Variants in LRRC38 observed in about 807,000 individuals in gnomAD.
LRRC38 encodes leucine rich repeat containing 38, also known as leucine-rich repeat-containing protein 38.
LRRC38 carries 5 observed loss-of-function variants against 16.4 expected under a neutral mutation model. The ratio of observed to expected loss-of-function variants is 0.31; its 90% confidence interval spans 0.16 to 0.64. LRRC38 has a LOEUF of 0.64. Among genes scored for constraint, LRRC38 ranks in the 30% least tolerant of loss-of-function variants. The probability of loss-of-function intolerance (pLI) is 0.80; values close to 1 mark genes in which losing one functional copy is unlikely to be tolerated. For synonymous variants in LRRC38, 191 were observed against 190.2 expected, an observed-to-expected ratio of 1.00 and a Z score of -0.04; for missense variants, 341 against 401.8, an observed-to-expected ratio of 0.85 and a Z score of 1.29.
At chr1:13,486,725 G>C (rs1232276146) in intron 1 of LRRC38, among the ~76,000 whole-genome samples, 1 of 151,744 alleles carries the variant, frequency 6.6e-6, no homozygotes, top group African/African-American at 2.4e-5. Context: ...CAAGTAACTG[G>C]GGTTACAGGC....
chr1:13,498,249 C>CA lies in LRRC38; in HGVS notation c.631+14713dup, dbSNP rs112781450. On this transcript the variant is annotated intron_variant, in intron 1 of 1. Coordinates refer to ENST00000376085, the MANE Select transcript of LRRC38 (RefSeq NM_001010847.2). The stretch of plus-strand genomic sequence containing the variant: ...AACCAAAAAACAAAACAAAACAAAA[C>CA]AAAAAAAAAAAGAGCCCAGTTTGTG... 5.9e-4 allele frequency among the ~76,000 whole-genome samples: 87 copies of CA among 147,290 alleles called. No homozygotes were observed. The South Asian group carries it at 8.2e-3, about 14-fold the overall frequency.
chr1:13,495,308 C>A (rs545347978), intron 1 of LRRC38, among the ~76,000 whole-genome samples: 1 of 152,140 alleles, frequency 6.6e-6, no homozygotes, highest in Non-Finnish European at 1.5e-5. Flanking sequence ...ACTAGATGTA[C>A]GTGATACATA....
intron 1 of LRRC38, among the ~76,000 whole-genome samples, chr1:13,509,456 G>C (rs535167891): frequency 6.6e-6 from 1 of 152,168 alleles, no homozygotes; most frequent in South Asian, 2.1e-4. Flanking sequence ...ATGCCCACTG[G>C]CCTCGGTTTC....
At chr1:13,512,931 C>CCA in intron 1 of LRRC38, 32 bp downstream of exon 1, 20 of 1,404,092 alleles carry the variant, frequency 1.4e-5, no homozygotes, top group East Asian at 5.1e-5. Context: ...GCCCCCCTCC[C>CCA]TCCCTCCCCC....
At chr1:13,505,337 A>G (rs1639199948) in intron 1 of LRRC38, among the ~76,000 whole-genome samples, 1 of 152,236 alleles carries the variant, frequency 6.6e-6, no homozygotes, top group African/African-American at 2.4e-5. Context: ...GACCAAGATC[A>G]CAACAACCCA....
chr1:13,485,442 G>A (rs1167950317), intron 1 of LRRC38, among the ~76,000 whole-genome samples: 1 of 151,950 alleles, frequency 6.6e-6, no homozygotes, highest in Admixed American at 6.6e-5. Flanking sequence ...ATGGTGGCGG[G>A]CGACTGTCCC....
At chr1:13,478,271 T>C (rs552121429) in intron 1 of LRRC38, among the ~76,000 whole-genome samples, 19 of 152,366 alleles carry the variant, frequency 1.2e-4, no homozygotes, top group Non-Finnish European at 1.5e-5. Context: ...GCACTTACTA[T>C]GTGCAGATCT....
intron 1 of LRRC38, among the ~76,000 whole-genome samples, chr1:13,496,232 T>C (rs1286149624): frequency 6.6e-6 from 1 of 152,058 alleles, no homozygotes; most frequent in Non-Finnish European, 1.5e-5. Flanking sequence ...AGCAGCAAGA[T>C]CCTAGCTCAC....
chr1:13,484,948 A>G (rs1638912634), intron 1 of LRRC38, among the ~76,000 whole-genome samples: 1 of 152,246 alleles, frequency 6.6e-6, no homozygotes, highest in African/African-American at 2.4e-5. Context: ...CCTAGTGCCT[A>G]TGCAGTTAGA....
intron 1 of LRRC38, among the ~76,000 whole-genome samples, chr1:13,509,080 G>A (rs985112112): frequency 1.3e-5 from 2 of 152,132 alleles, no homozygotes; most frequent in African/African-American, 2.4e-5. Flanking sequence ...TCTTTTCTGG[G>A]AAGCTGTCTC....
At chr1:13,502,143 G>C (rs1019892719) in intron 1 of LRRC38, among the ~76,000 whole-genome samples, 1 of 141,608 alleles carries the variant, frequency 7.1e-6, no homozygotes, top group African/African-American at 2.7e-5. Flanking sequence ...GTTTCACCAT[G>C]TTAGCCAGGC....
rs1198744392 is a variant in LRRC38 at position 13,481,788 on chromosome 1, CCTCTCTCTCTCTCTCTCTCT to C, written c.632-5709_632-5690del. On this transcript the variant is annotated intron_variant, in intron 1 of 1. Transcript: ENST00000376085. The stretch of plus-strand genomic sequence containing the variant: ...CTCTCTCTCCCTCTCTCCCTCTCTC[CCTCTCTCTCTCTCTCTCTCT>C]CTCTCTCTCTCTCTCTCTGCCATGT... Among the ~76,000 whole-genome samples the C allele has an allele frequency of 6.1e-4, 21 of 34,488 alleles. 2 individuals are homozygous for C. The South Asian group carries it at 0.013, about 22-fold the overall frequency. The allele number at this position is 34,488 out of a possible 152,430, so 22.6% of individuals were successfully genotyped here. A position where few individuals can be genotyped will look rare whatever the true frequency, so the allele number is the denominator to read the frequency against.
chr1:13,481,668 T>A (rs1405106366), intron 1 of LRRC38, among the ~76,000 whole-genome samples: 1 of 152,128 alleles, frequency 6.6e-6, no homozygotes, highest in Non-Finnish European at 1.5e-5. Context: ...GTACTGGGAT[T>A]ACAGGCATGA....
chr1:13,488,080 C>A (rs899159796), intron 1 of LRRC38, among the ~76,000 whole-genome samples: 1 of 141,342 alleles, frequency 7.1e-6, no homozygotes, highest in Non-Finnish European at 1.5e-5. Context: ...ATCTACCAAG[C>A]AGAAATGCAC....
chr1:13,478,108 G>A (rs1454814135), intron 1 of LRRC38, among the ~76,000 whole-genome samples: 9 of 152,112 alleles, frequency 5.9e-5, no homozygotes, highest in African/African-American at 1.9e-4. Flanking sequence ...TACACAATAC[G>A]AGCTATGTGC....
intron 1 of LRRC38, among the ~76,000 whole-genome samples, chr1:13,507,817 C>A (rs71629833): frequency 0.075 from 11,125 of 147,720 alleles, 505 homozygotes; most frequent in South Asian, 0.14. Flanking sequence ...GGGTGACAGA[C>A]CAAAACTCCA....
chr1:13,495,637 T>A (rs1639072352), intron 1 of LRRC38, among the ~76,000 whole-genome samples: 1 of 152,094 alleles, frequency 6.6e-6, no homozygotes, highest in Non-Finnish European at 1.5e-5. Context: ...TCAAGCACCC[T>A]GGGCAGAAAT....
intron 1 of LRRC38, among the ~76,000 whole-genome samples, chr1:13,486,551 C>G (rs1387840638): frequency 1.3e-5 from 2 of 151,258 alleles, no homozygotes; most frequent in African/African-American, 4.9e-5. Flanking sequence ...CCTTTTGGAG[C>G]AATCATCTCT....
chr1:13,486,047 T>C (rs957586468), intron 1 of LRRC38, among the ~76,000 whole-genome samples: 4 of 152,188 alleles, frequency 2.6e-5, no homozygotes, highest in African/African-American at 9.7e-5. Context: ...CAAGCGATTC[T>C]CCTGTCTCAG....
Sources: allele counts gnomAD v4.1 joint callset (sites outside exome capture counted in the v4.1 genomes callset), GRCh38; gene constraint gnomAD v4.1.1; transcripts MANE v1.5; gene names NCBI Gene and HGNC (gene_info 2026-07-23, HGNC 2026-07-21).